The following ADCY8 variants were observed in gnomAD, a reference collection of about 807,000 sequenced individuals.
ADCY8 encodes the protein adenylate cyclase type 8.
A neutral mutation model predicts 119.7 loss-of-function variants in ADCY8; 51 were observed. The ratio of observed to expected loss-of-function variants is 0.43; its 90% CI spans 0.34 to 0.54. The LOEUF is 0.54. ADCY8 is among the 20% of genes least tolerant of loss of function. ADCY8 has a pLI of 0.03. For missense variants in ADCY8, 1,383 were observed against 1,598.8 expected (o/e 0.87, Z 2.30); for synonymous variants, 665 against 651.0 (o/e 1.02, Z -0.33).
Position 130,961,039 on chromosome 8 carries a change from C to T in ADCY8, c.1111-9041G>A, listed in dbSNP as rs187192843. On this transcript the variant is annotated intron_variant, in intron 2 of 17. Coordinates refer to ENST00000286355, the MANE Select transcript of ADCY8 (RefSeq NM_001115.3). ...CTGTTTGGGATTCCAGTCACTCTTT[C>T]CCTTCCCTCTCATTTTTGGCAAAAA... Among the ~76,000 whole-genome samples the T allele has an allele frequency of 1.6e-3, 238 of 152,298 alleles. 1 individual carries two copies. Among genetic ancestry groups the T allele is most frequent in the South Asian group, 5.2e-3 (25 of 4,828 alleles).
intron 2 of ADCY8, among the ~76,000 whole-genome samples, chr8:130,953,510 G>T (rs1821336524): frequency 1.3e-5 from 2 of 152,142 alleles, no homozygotes; most frequent in South Asian, 4.2e-4. Context: ...GGCAGTTGCA[G>T]GGTACGGTCC....
intron 15 of ADCY8, among the ~76,000 whole-genome samples, chr8:130,793,773 T>C (rs555691340): frequency 6.6e-6 from 1 of 152,332 alleles, no homozygotes; most frequent in South Asian, 2.1e-4. Flanking sequence ...CATATTAGTT[T>C]AGAAGATCAT....
chr8:130,911,805 A>C (rs938967520), intron 5 of ADCY8, among the ~76,000 whole-genome samples: 1 of 151,250 alleles, frequency 6.6e-6, no homozygotes, highest in African/African-American at 2.4e-5. Context: ...ATTTTATTAG[A>C]TATGCATATC....
chr8:130,995,661 C>G lies in ADCY8; in HGVS notation c.961-5119G>C, dbSNP rs76719970. ...CATCTCCTCTTCTTCGAACACTACT[C>G]TCCATACTTCTTGCCTTGCTGATTC... On this transcript the variant is annotated intron_variant, in intron 1 of 17. Transcript: ENST00000286355. Among the ~76,000 whole-genome samples the G allele has an allele frequency of 4.7e-3, 711 of 152,230 alleles. 6 individuals are homozygous for G. The highest frequency in any genetic ancestry group is 0.017 in the African/African-American group (690 of 41,548).
At chr8:130,794,037 A>G (rs1815502893) in intron 15 of ADCY8, among the ~76,000 whole-genome samples, 1 of 152,188 alleles carries the variant, frequency 6.6e-6, no homozygotes, top group African/African-American at 2.4e-5. Context: ...GAGAGGGCAC[A>G]GAGACACACA....
chr8:130,936,448 C>G (rs1321462496), intron 5 of ADCY8, among the ~76,000 whole-genome samples: 5 of 152,146 alleles, frequency 3.3e-5, no homozygotes, highest in Admixed American at 3.3e-4. Flanking sequence ...TGGGCTCTGG[C>G]TGCTGCCAGC....
intron 1 of ADCY8, among the ~76,000 whole-genome samples, chr8:131,024,792 C>T (rs1048228711): frequency 7.9e-5 from 12 of 152,162 alleles, no homozygotes; most frequent in African/African-American, 2.9e-4. Context: ...ATATTAAATA[C>T]CATCTAGGGA....
At position 130,990,385 on chromosome 8, in the gene ADCY8, G is replaced by C. The variant is rs781375834; in HGVS notation, c.1110+8C>G. On this transcript the variant is annotated splice_region_variant and intron_variant, in intron 2 of 17. Coordinates refer to ENST00000286355, the MANE Select transcript of ADCY8 (RefSeq NM_001115.3). ...ATAACTAAAACACACAGCCTTGTCA[G>C]TTGGTACCTGTCTTTGGTTCTCTGT... The C allele has an allele frequency of 1.2e-6, 2 of 1,613,936 alleles. No homozygotes were observed. The highest frequency in any genetic ancestry group is 8.5e-7 in the Non-Finnish European group (1 of 1,179,908).
chr8:130,827,071 A>G (rs1467271489), intron 12 of ADCY8, among the ~76,000 whole-genome samples: 5 of 152,194 alleles, frequency 3.3e-5, no homozygotes, highest in South Asian at 2.1e-4. Flanking sequence ...TAAAAAAAAG[A>G]TGTTTTGTTG....
chr8:130,912,734 T>A (rs1357920196), intron 5 of ADCY8, among the ~76,000 whole-genome samples: 1 of 152,204 alleles, frequency 6.6e-6, no homozygotes, highest in Non-Finnish European at 1.5e-5. Context: ...TTGTAACTAA[T>A]GGATGAGGTT....
intron 9 of ADCY8, among the ~76,000 whole-genome samples, chr8:130,850,200 T>G (rs1005181958): frequency 6.6e-6 from 1 of 152,166 alleles, no homozygotes; most frequent in African/African-American, 2.4e-5. Context: ...CCACCTATCC[T>G]GATACCAAGA....
In ADCY8 at chr8:130,943,334, A is replaced by T; in HGVS notation, c.1353+17T>A. The T allele has an allele frequency of 1.3e-6, 2 of 1,580,412 alleles. No homozygotes were observed. Among genetic ancestry groups the T allele is most frequent in the Non-Finnish European group, 1.7e-6 (2 of 1,149,730 alleles). ...TCACTCCTGCAAAAGACGAGGAGGAAATTAAATTCAACTCACATGGGCCAG... is the reference window on the plus strand; with the variant it reads ...TCACTCCTGCAAAAGACGAGGAGGATATTAAATTCAACTCACATGGGCCAG... On this transcript the variant is annotated intron_variant, in intron 4 of 17. Transcript: ENST00000286355.
intron 1 of ADCY8, among the ~76,000 whole-genome samples, chr8:131,031,896 A>G (rs1302653123): frequency 2.0e-5 from 3 of 152,300 alleles, no homozygotes; most frequent in Admixed American, 6.5e-5. Flanking sequence ...TGAGTCAAAG[A>G]AATACATGTA....
chr8:130,866,928 T>A (rs1254517629), intron 9 of ADCY8, among the ~76,000 whole-genome samples: 1 of 152,220 alleles, frequency 6.6e-6, no homozygotes, highest in Non-Finnish European at 1.5e-5. Context: ...CTTTGTCACC[T>A]ACTAAATTAT....
intron 7 of ADCY8, among the ~76,000 whole-genome samples, chr8:130,894,543 G>A (rs1236539465): frequency 6.6e-6 from 1 of 152,132 alleles, no homozygotes; most frequent in Non-Finnish European, 1.5e-5. Flanking sequence ...ACAGTGGGAA[G>A]AGACACTGCC....
intron 15 of ADCY8, among the ~76,000 whole-genome samples, chr8:130,797,204 C>T (rs772157978): frequency 1.1e-4 from 16 of 152,098 alleles, no homozygotes; most frequent in Non-Finnish European, 2.2e-4. Context: ...AATTTGTAAA[C>T]TGTCTTAAAA....
At chr8:131,003,778 AAGG>A (rs1314412767) in intron 1 of ADCY8, among the ~76,000 whole-genome samples, 2 of 152,146 alleles carry the variant, frequency 1.3e-5, no homozygotes, top group East Asian at 3.9e-4. Context: ...CTGGGAAGAC[AAGG>A]AGGAGTTTTA....
chr8:130,808,619 C>G (rs1816058424), intron 14 of ADCY8, among the ~76,000 whole-genome samples: 1 of 152,166 alleles, frequency 6.6e-6, no homozygotes, highest in African/African-American at 2.4e-5. Flanking sequence ...ACCCACAGCA[C>G]TGGGGTTTTG....
intron 10 of ADCY8, 86 bp from the exon 11 acceptor site, chr8:130,847,599 G>A (rs931171970): frequency 1.8e-6 from 2 of 1,113,214 alleles, no homozygotes; most frequent in African/African-American, 1.6e-5. Flanking sequence ...ATGGAGCAGT[G>A]TGCTATCAGT....
Sources: gnomAD v4.1 joint callset for allele counts (sites outside exome capture counted in the v4.1 genomes callset) on GRCh38, gnomAD v4.1.1 for gene constraint, MANE v1.5 for transcripts, NCBI Gene and HGNC (gene_info 2026-07-23, HGNC 2026-07-21) for gene names.